The following GALNT13 variants were observed in gnomAD, a reference collection of about 807,000 sequenced individuals.
The protein encoded by GALNT13 is polypeptide N-acetylgalactosaminyltransferase 13.
Under a neutral mutation model 64.2 loss-of-function variants are expected in GALNT13, and 28 were observed. That is an observed-to-expected ratio of 0.44 (90% CI 0.32 to 0.60). The LOEUF (loss-of-function observed/expected upper bound fraction) is 0.60, where lower values mean the gene tolerates loss of function less well. Among genes scored for constraint, GALNT13 ranks in the 20% least tolerant of loss-of-function variants. The probability of loss-of-function intolerance (pLI) is 0.05; values close to 1 mark genes in which losing one functional copy is unlikely to be tolerated. For synonymous variants in GALNT13, 214 were observed against 224.6 expected, an observed-to-expected ratio of 0.95 and a Z score of 0.42; for missense variants, 577 against 669.8, an observed-to-expected ratio of 0.86 and a Z score of 1.53.
At chr2:153,450,701 A>G in the GALNT13 span, among the ~76,000 whole-genome samples, 3 of 152,140 alleles carry the variant, frequency 2.0e-5, no homozygotes, top group Admixed American at 6.6e-5. Flanking sequence ...GCATTTTACA[A>G]TGAAGTGAAG....
chr2:154,168,791 G>A (rs927846300), intron 4 of GALNT13, among the ~76,000 whole-genome samples: 2 of 151,936 alleles, frequency 1.3e-5, no homozygotes, highest in East Asian at 1.9e-4. Flanking sequence ...TGCAGTGAGT[G>A]AGATTGCACC....
the GALNT13 span, among the ~76,000 whole-genome samples, chr2:153,510,281 TC>T: frequency 6.6e-6 from 1 of 152,186 alleles, no homozygotes; most frequent in Non-Finnish European, 1.5e-5. Flanking sequence ...ACGTATTGTT[TC>T]CAAAAGACTT....
chr2:153,477,675 GCAAA>G, the GALNT13 span: 1 of 149,930 alleles, frequency 6.7e-6, no homozygotes, highest in African/African-American at 2.5e-5. Context: ...TTGTATTCAA[GCAAA>G]CAAACACAAA....
intron 3 of GALNT13, among the ~76,000 whole-genome samples, chr2:154,133,532 TTTTATATATATATATATATATATATATA>T (rs1430594532): frequency 0.011 from 1,117 of 103,916 alleles, 15 homozygotes; most frequent in African/African-American, 0.029. Flanking sequence ...TAACAGACCA[TTTTATATATATATATATATATATATATA>T]TATATATATA....
chr2:153,116,794 C>CTTTTTTTTT, the GALNT13 span, among the ~76,000 whole-genome samples: 5 of 82,462 alleles, frequency 6.1e-5, no homozygotes, highest in Non-Finnish European at 8.9e-5. Flanking sequence ...GTGTTGTCTT[C>CTTTTTTTTT]TTTTTTTTTT....
chr2:154,220,398 A>T (rs942996849), intron 4 of GALNT13, among the ~76,000 whole-genome samples: 10 of 152,098 alleles, frequency 6.6e-5, no homozygotes, highest in Non-Finnish European at 1.0e-4. Context: ...TATTCTGATG[A>T]CATACCAAAG....
the GALNT13 span, among the ~76,000 whole-genome samples, chr2:153,141,857 C>A: frequency 9.5e-4 from 145 of 152,112 alleles, no homozygotes; most frequent in East Asian, 0.024. Flanking sequence ...TAGTAAACAT[C>A]AGAGCCAGGG....
chr2:153,278,222 C>T, the GALNT13 span, among the ~76,000 whole-genome samples: 7 of 151,952 alleles, frequency 4.6e-5, no homozygotes, highest in South Asian at 6.2e-4. Flanking sequence ...CGTGAGCCAC[C>T]GTGTTTAAGT....
intron 9 of GALNT13, among the ~76,000 whole-genome samples, chr2:154,383,949 C>T (rs1302363452): frequency 1.3e-5 from 2 of 151,686 alleles, no homozygotes; most frequent in Non-Finnish European, 1.5e-5. Context: ...AGAGAGGGCA[C>T]ATGACAGAGC....
At chr2:154,403,455 CAAA>C (rs950728521) in intron 10 of GALNT13, among the ~76,000 whole-genome samples, 1 of 124,026 alleles carries the variant, frequency 8.1e-6, no homozygotes, top group African/African-American at 3.0e-5. Flanking sequence ...GACTCCGTCT[CAAA>C]AAAAAAAACA....
chr2:154,163,509 G>A (rs16836142), intron 4 of GALNT13, among the ~76,000 whole-genome samples: 2,272 of 152,212 alleles, frequency 0.015, 53 homozygotes, highest in African/African-American at 0.051. Flanking sequence ...ACATTCTTTA[G>A]TACGGTGTTC....
At chr2:153,641,730 G>GA in the GALNT13 span, among the ~76,000 whole-genome samples, 1 of 151,838 alleles carries the variant, frequency 6.6e-6, no homozygotes, top group African/African-American at 2.4e-5. Flanking sequence ...CTGCTTTTCT[G>GA]AAAAAATATT....
At chr2:154,246,120 A>G (rs1689769663) in intron 7 of GALNT13, 138 bp downstream of exon 7, 1 of 485,720 alleles carries the variant, frequency 2.1e-6, no homozygotes, top group African/African-American at 2.0e-5. Flanking sequence ...CCTTTACATA[A>G]TCATATAAGG....
the GALNT13 span, among the ~76,000 whole-genome samples, chr2:153,367,760 A>G: frequency 2.0e-5 from 3 of 152,118 alleles, no homozygotes; most frequent in Admixed American, 1.3e-4. Flanking sequence ...CAGCAATAAT[A>G]ATAGGGTGTA....
At chr2:154,212,523 C>A (rs903401741) in intron 4 of GALNT13, among the ~76,000 whole-genome samples, 2 of 152,086 alleles carry the variant, frequency 1.3e-5, no homozygotes, top group African/African-American at 4.8e-5. Flanking sequence ...GGATTACAAG[C>A]GTGAGCCACT....
intron 3 of GALNT13, among the ~76,000 whole-genome samples, chr2:154,030,930 A>G (rs377632019): frequency 2.2e-4 from 33 of 152,174 alleles, no homozygotes; most frequent in African/African-American, 8.0e-4. Context: ...AGTTCTTTAC[A>G]GCAGTGTGAA....
At chr2:153,184,473 G>A in the GALNT13 span, among the ~76,000 whole-genome samples, 29 of 152,084 alleles carry the variant, frequency 1.9e-4, no homozygotes, top group Non-Finnish European at 1.5e-4. Context: ...TCTTTCTCTT[G>A]CCTGATTGTC....
chr2:153,772,835 G>T, the GALNT13 span, among the ~76,000 whole-genome samples: 148 of 152,238 alleles, frequency 9.7e-4, 1 homozygote, highest in East Asian at 0.01. Context: ...ATTCTAGATG[G>T]GCCAGATGGT....
At chr2:153,679,794 C>T in the GALNT13 span, among the ~76,000 whole-genome samples, 1 of 151,934 alleles carries the variant, frequency 6.6e-6, no homozygotes, top group Middle Eastern at 3.4e-3. Flanking sequence ...ATTTGGGACA[C>T]GATATAACAA....
Sources: gnomAD v4.1 joint callset for allele counts (sites outside exome capture counted in the v4.1 genomes callset) on GRCh38, gnomAD v4.1.1 for gene constraint, MANE v1.5 for transcripts, NCBI Gene and HGNC (gene_info 2026-07-23, HGNC 2026-07-21) for gene names.